Variants in SLC36A1 observed in about 807,000 individuals in gnomAD.
SLC36A1 encodes the protein solute carrier family 36 member 1, also known as proton-coupled amino acid transporter 1.
SLC36A1 carries 30 observed loss-of-function variants against 47.5 expected under a neutral mutation model. That is an observed-to-expected ratio of 0.63 (90% CI 0.47 to 0.86). The LOEUF (loss-of-function observed/expected upper bound fraction) is 0.86, where lower values mean the gene tolerates loss of function less well. Ranked by LOEUF, SLC36A1 falls within the 40% of genes least tolerant of loss-of-function variation. The probability of loss-of-function intolerance (pLI) is 0.00; values close to 1 mark genes in which losing one functional copy is unlikely to be tolerated. For synonymous variants in SLC36A1, 255 were observed against 249.7 expected (o/e 1.02, Z -0.20); for missense variants, 517 against 606.0 (o/e 0.85, Z 1.54).
At chr5:151,531,106 T>G in the SLC36A1 span, among the ~76,000 whole-genome samples, 1 of 152,126 alleles carries the variant, frequency 6.6e-6, no homozygotes, top group Admixed American at 6.5e-5. This position sits in a 1 kb window ranked among gnomAD's most constrained non-coding sequence, Gnocchi z 5.7. Flanking sequence ...GACGGTTTCC[T>G]AGTTCTCTCT....
chr5:151,486,035 T>C (rs1759474859), intron 10 of SLC36A1, among the ~76,000 whole-genome samples: 1 of 152,210 alleles, frequency 6.6e-6, no homozygotes, highest in Non-Finnish European at 1.5e-5. Flanking sequence ...TGCGTTGTTA[T>C]AAAGAAGCAC....
upstream of SLC36A1, among the ~76,000 whole-genome samples, chr5:151,432,320 C>T (rs1451590165): frequency 6.6e-6 from 1 of 152,220 alleles, no homozygotes; most frequent in African/African-American, 2.4e-5. Context: ...CAAAGGCGGT[C>T]AGCAAAGCTT....
At chr5:151,386,387 T>C in the SLC36A1 span, among the ~76,000 whole-genome samples, 1 of 152,192 alleles carries the variant, frequency 6.6e-6, no homozygotes, top group Admixed American at 6.5e-5. Context: ...TTAACTACTT[T>C]TAGTATTTGA....
At chr5:151,486,006 C>T (rs1478331600) in intron 10 of SLC36A1, among the ~76,000 whole-genome samples, 1 of 152,162 alleles carries the variant, frequency 6.6e-6, no homozygotes, top group African/African-American at 2.4e-5. Context: ...CCATTCTTTC[C>T]CTGGTGTGTT....
At chr5:151,385,056 CAGAG>C in the SLC36A1 span, among the ~76,000 whole-genome samples, 2 of 114,544 alleles carry the variant, frequency 1.7e-5, no homozygotes, top group Admixed American at 8.3e-5. Flanking sequence ...GAGAGAGAGA[CAGAG>C]AGAAAGAGGG....
At chr5:151,381,588 G>C in the SLC36A1 span, among the ~76,000 whole-genome samples, 1 of 152,186 alleles carries the variant, frequency 6.6e-6, no homozygotes, top group Non-Finnish European at 1.5e-5. Flanking sequence ...ACAAGATTCT[G>C]ACCCTCCATA....
chr5:151,463,438 A>G (rs1755862863), intron 2 of SLC36A1, 115 bp from the exon 3 acceptor site: 2 of 808,022 alleles, frequency 2.5e-6, no homozygotes, highest in Non-Finnish European at 4.2e-6. Context: ...CATCTATAAG[A>G]TAAAATCTTA....
the SLC36A1 span, among the ~76,000 whole-genome samples, chr5:151,554,094 T>C: frequency 4.6e-5 from 7 of 152,310 alleles, no homozygotes; most frequent in African/African-American, 1.7e-4. Context: ...GGCTTATTGG[T>C]TCCAAAGCCC....
At chr5:151,401,252 T>A in the SLC36A1 span, among the ~76,000 whole-genome samples, 2 of 150,844 alleles carry the variant, frequency 1.3e-5, no homozygotes, top group African/African-American at 5.0e-5. Flanking sequence ...TAGCCAGTTA[T>A]CCCAGCACCT....
rs565957625 is a variant in SLC36A1 at position 151,458,897 on chromosome 5, G to A, written c.105G>A (p.Pro35=). 3.1e-6 allele frequency: 5 copies of A among 1,613,746 alleles called. No individual in the cohort carries two copies. The highest frequency in any genetic ancestry group is 2.2e-5 in the East Asian group (1 of 44,882). ...AAGGCCTCAACAACCTCTCCTCCCC[G>A]GGCTCCTACCAGCGCTTTGGTCAAA... is the stretch of plus-strand genomic sequence containing the variant. The part of the protein sequence containing the change: ...PSEGLNNLSS[P]GSYQRFGQSN... Residue 35 remains proline, a synonymous_variant, in exon 2 of 11, where the codon CCG becomes CCA. Transcript: ENST00000243389.
intron 7 of SLC36A1, among the ~76,000 whole-genome samples, chr5:151,469,540 A>G (rs1432279590): frequency 1.3e-5 from 2 of 152,194 alleles, no homozygotes; most frequent in Non-Finnish European, 2.9e-5. Flanking sequence ...GTATTAAGAC[A>G]GTGAGATGTT....
chr5:151,542,458 G>A, the SLC36A1 span: 3 of 1,614,180 alleles, frequency 1.9e-6, no homozygotes, highest in East Asian at 6.7e-5. Context: ...CTGAACCAGG[G>A]CCTGAGAGGA....
chr5:151,531,645 G>A, the SLC36A1 span: 6 of 1,613,710 alleles, frequency 3.7e-6, no homozygotes, highest in South Asian at 3.3e-5. This position sits in a 1 kb window ranked among gnomAD's most constrained non-coding sequence, Gnocchi z 5.7. Flanking sequence ...CGCGGTAGCC[G>A]GTCTTCTCTG....
chr5:151,537,294 G>A, the SLC36A1 span, among the ~76,000 whole-genome samples: 1 of 146,424 alleles, frequency 6.8e-6, no homozygotes, highest in Non-Finnish European at 1.5e-5. Context: ...GGAGGAGGAG[G>A]AGGGAGAGAG....
At chr5:151,520,316 A>C in the SLC36A1 span, among the ~76,000 whole-genome samples, 1 of 152,254 alleles carries the variant, frequency 6.6e-6, no homozygotes, top group Non-Finnish European at 1.5e-5. Flanking sequence ...GGAGTGCCTG[A>C]GGAGCTTAGT....
chr5:151,514,469 C>T, the SLC36A1 span, among the ~76,000 whole-genome samples: 3 of 152,238 alleles, frequency 2.0e-5, no homozygotes, highest in Admixed American at 2.0e-4. Flanking sequence ...AAACCCACAA[C>T]TATGGAAAAA....
At chr5:151,421,174 C>CCT in the SLC36A1 span, among the ~76,000 whole-genome samples, 602 of 138,876 alleles carry the variant, frequency 4.3e-3, 14 homozygotes, top group African/African-American at 0.015. Context: ...CGCCCTTTCT[C>CCT]TCCTTCCTTC....
At chr5:151,360,083 G>C in the SLC36A1 span, among the ~76,000 whole-genome samples, 535 of 152,156 alleles carry the variant, frequency 3.5e-3, 1 homozygote, top group Middle Eastern at 6.8e-3. Flanking sequence ...TCAAATACTT[G>C]ATTCTTTTTA....
chr5:151,384,652 C>A, the SLC36A1 span, among the ~76,000 whole-genome samples: 13 of 152,298 alleles, frequency 8.5e-5, no homozygotes, highest in African/African-American at 3.1e-4. Context: ...CAAAACTATT[C>A]CTCTCTTGGA....
Sources: gnomAD v4.1 joint callset for allele counts (sites outside exome capture counted in the v4.1 genomes callset) on GRCh38, gnomAD v4.1.1 for gene constraint, Gnocchi (gnomAD v3.1) non-coding constraint, MANE v1.5 for transcripts, NCBI Gene and HGNC (gene_info 2026-07-23, HGNC 2026-07-21) for gene names.